DOCK8: variants seen among roughly 807,000 people sequenced by gnomAD.
DOCK8 encodes the protein dedicator of cytokinesis protein 8.
DOCK8 carries 141 observed loss-of-function variants against 245.6 expected under a neutral mutation model. That is an observed-to-expected ratio of 0.57 (90% confidence interval 0.50 to 0.66). The LOEUF is 0.66. Ranked by LOEUF, DOCK8 falls within the 30% of genes least tolerant of loss-of-function variation. DOCK8 has a pLI of 0.00. For missense variants in DOCK8, 2,965 were observed against 2,603.4 expected, an observed-to-expected ratio of 1.14 and a Z score of -3.02; for synonymous variants, 1,168 against 970.2, an observed-to-expected ratio of 1.20 and a Z score of -3.79.
chr9:211,640 G>C (rs1361904550), upstream of DOCK8, among the ~76,000 whole-genome samples: 2 of 152,140 alleles, frequency 1.3e-5, no homozygotes, highest in African/African-American at 4.8e-5. Context: ...GCAGACCTTG[G>C]TAGGTGATTA....
rs766282048 is a variant in DOCK8, at chr9:312,050, C to A, written c.625C>A (p.Arg209=). 1 of 1,614,054 alleles carries A rather than the reference C, an allele frequency of 6.2e-7. No homozygotes were observed. Among genetic ancestry groups the A allele is most frequent in the Non-Finnish European group, 8.5e-7 (1 of 1,180,040 alleles). The change falls in exon 6 of 48, where the codon CGG becomes AGG. Residue 209 remains arginine (R), a synonymous_variant. Transcript: ENST00000432829. ...CCTCCGCAGCCTGCAGCCTGACAAG[C>A]GGCTAGAAAACCTCCTGCAGCAAGT... ...FDLRSLQPDK[R]LENLLQQVSA... is the part of the protein sequence containing the mutation.
intron 12 of DOCK8, among the ~76,000 whole-genome samples, chr9:338,079 G>T (rs774091007): frequency 6.6e-6 from 1 of 152,058 alleles, no homozygotes; most frequent in Non-Finnish European, 1.5e-5. Context: ...GTTTGAACCT[G>T]GGAGGTGGAG....
At chr9:347,555 C>T (rs2051956386) in intron 14 of DOCK8, among the ~76,000 whole-genome samples, 2 of 152,126 alleles carry the variant, frequency 1.3e-5, no homozygotes, top group South Asian at 4.1e-4. Context: ...TGCGGAAGCC[C>T]AGTACTTGGT....
intron 7 of DOCK8, among the ~76,000 whole-genome samples, chr9:319,182 C>G (rs534461383): frequency 3.3e-5 from 5 of 152,092 alleles, no homozygotes; most frequent in Non-Finnish European, 2.9e-5. Flanking sequence ...CATTGGGAGG[C>G]TGAGGTGGAA....
intron 14 of DOCK8, among the ~76,000 whole-genome samples, chr9:354,086 C>G (rs1053020435): frequency 6.6e-6 from 1 of 152,180 alleles, no homozygotes; most frequent in African/African-American, 2.4e-5. Context: ...AATCCCAGCA[C>G]TTTGGGAGGC....
chr9:340,156 T>G lies in DOCK8; in HGVS notation c.1517-3T>G. The G allele has an allele frequency of 6.2e-7, 1 of 1,614,034 alleles. No individual in the cohort carries two copies. The highest frequency in any genetic ancestry group is 8.5e-7 in the Non-Finnish European group (1 of 1,179,892). ...CTAGAACATTCCTATTTTCTCTCTT[T>G]AGGCTTGCTAAGACTGGAGATTTCT... is the stretch of plus-strand genomic sequence containing the variant. On this transcript the variant is annotated splice_region_variant and splice_polypyrimidine_tract_variant and intron_variant, in intron 13 of 47. Transcript: ENST00000432829.
intron 7 of DOCK8, 24 bp from the exon 8 acceptor site, chr9:325,647 G>A (rs762061015): frequency 1.2e-6 from 2 of 1,607,674 alleles, no homozygotes; most frequent in South Asian, 1.1e-5. Context: ...AAGCCACATA[G>A]ATTTTCCTCT....
At chr9:340,475 G>T in intron 14 of DOCK8, 154 bp downstream of exon 14, 1 of 955,968 alleles carries the variant, frequency 1.0e-6, no homozygotes, top group Non-Finnish European at 1.6e-6. Flanking sequence ...ACAAAATTTA[G>T]CTGGGCATGG....
chr9:231,295 G>A (rs1281800632), intron 1 of DOCK8, among the ~76,000 whole-genome samples: 1 of 152,090 alleles, frequency 6.6e-6, no homozygotes, highest in Non-Finnish European at 1.5e-5. Flanking sequence ...TGCTGTTTTG[G>A]TTACTGTAGC....
At chr9:329,529 A>G (rs2050913714) in intron 9 of DOCK8, among the ~76,000 whole-genome samples, 1 of 152,238 alleles carries the variant, frequency 6.6e-6, no homozygotes, top group African/African-American at 2.4e-5. Flanking sequence ...TTATAGAAGT[A>G]TAGTTAAAAT....
At chr9:214,622 G>T (rs1442738764), upstream of DOCK8, 5 of 1,613,292 alleles carry the variant, frequency 3.1e-6, no homozygotes, top group South Asian at 4.4e-5. Flanking sequence ...CGGCCTGCGC[G>T]CAGTGGTCGC....
intron 2 of DOCK8, among the ~76,000 whole-genome samples, chr9:282,444 A>G (rs1409566409): frequency 1.4e-5 from 2 of 143,690 alleles, no homozygotes; most frequent in Non-Finnish European, 3.0e-5. Context: ...TTCTAGAGAC[A>G]GGGTCTTCCT....
At chr9:255,029 C>T (rs2047734707) in intron 1 of DOCK8, among the ~76,000 whole-genome samples, 1 of 151,882 alleles carries the variant, frequency 6.6e-6, no homozygotes, top group African/African-American at 2.4e-5. Flanking sequence ...ACAGGGCCTG[C>T]AAGGGAATTG....
intron 33 of DOCK8, among the ~76,000 whole-genome samples, 179 bp downstream of exon 33, chr9:422,314 T>C (rs1014028523): frequency 1.3e-5 from 2 of 152,178 alleles, no homozygotes; most frequent in Non-Finnish European, 2.9e-5. Flanking sequence ...GGAGTTGTGG[T>C]TTCCAGCTCT....
chr9:346,108 T>A (rs963687081), intron 14 of DOCK8, among the ~76,000 whole-genome samples: 3 of 151,552 alleles, frequency 2.0e-5, no homozygotes, highest in African/African-American at 7.3e-5. Flanking sequence ...GGCAGGACAC[T>A]CTGAGAAATC....
intron 27 of DOCK8, 90 bp downstream of exon 27, chr9:405,163 T>C: frequency 7.4e-7 from 1 of 1,350,420 alleles, no homozygotes; most frequent in East Asian, 2.5e-5. Context: ...TAAAGGTTAG[T>C]CTTATTAATT....
At chr9:372,550 G>A (rs111497378) in intron 18 of DOCK8, among the ~76,000 whole-genome samples, 17 of 152,300 alleles carry the variant, frequency 1.1e-4, no homozygotes, top group African/African-American at 3.6e-4. Flanking sequence ...CCAGAATAAT[G>A]TATTATAGAA....
chr9:393,644 C>G (rs1275142502), intron 24 of DOCK8, among the ~76,000 whole-genome samples: 1 of 152,152 alleles, frequency 6.6e-6, no homozygotes, highest in African/African-American at 2.4e-5. Context: ...AAGCACATGG[C>G]CCATCTTACC....
In DOCK8 at chr9:422,045, T is replaced by C. The variant is rs1325268174; in HGVS notation, c.4154-3T>C. On this transcript the variant is annotated splice_region_variant and splice_polypyrimidine_tract_variant and intron_variant, in intron 32 of 47. Coordinates refer to ENST00000432829, the MANE Select transcript of DOCK8 (RefSeq NM_203447.4). ...TTCCTATCATGCATTTCTTAACTCC[T>C]AGGGAACGACCGATTTCCAGGCCTA... 1 of 1,613,444 alleles carries C rather than the reference T, an allele frequency of 6.2e-7. No homozygotes were observed. Among genetic ancestry groups the C allele is most frequent in the Non-Finnish European group, 8.5e-7 (1 of 1,179,538 alleles).
Sources: gnomAD v4.1 joint callset for allele counts (sites outside exome capture counted in the v4.1 genomes callset) on GRCh38, gnomAD v4.1.1 for gene constraint, MANE v1.5 for transcripts, NCBI Gene and HGNC (gene_info 2026-07-23, HGNC 2026-07-21) for gene names.